The following OAF variants were observed in gnomAD, a reference collection of about 807,000 sequenced individuals.
OAF encodes the protein out at first protein homolog.
In OAF, 13 loss-of-function variants were observed where a neutral mutation model predicts 22.5. The ratio of observed to expected loss-of-function variants is 0.58; its 90% CI spans 0.38 to 0.92. The LOEUF is 0.92. Among genes scored for constraint, OAF ranks in the 40% least tolerant of loss-of-function variants. The pLI is 0.00. For synonymous variants in OAF, 175 were observed against 170.5 expected (o/e 1.03, Z -0.21); for missense variants, 347 against 381.8 (o/e 0.91, Z 0.76).
At chr11:120,223,327 C>T (rs193247963) in intron 1 of OAF, among the ~76,000 whole-genome samples, 8 of 152,272 alleles carry the variant, frequency 5.3e-5, no homozygotes, top group Admixed American at 4.6e-4. Flanking sequence ...TAGTCCATGA[C>T]GTTGAACAGG....
intron 1 of OAF, among the ~76,000 whole-genome samples, chr11:120,224,167 T>C (rs560793137): frequency 6.6e-6 from 1 of 152,302 alleles, no homozygotes; most frequent in South Asian, 2.1e-4. Flanking sequence ...AGTTTCCCTT[T>C]CTGGAAAACC....
At chr11:120,227,860 C>G (rs1183108326) in intron 3 of OAF, among the ~76,000 whole-genome samples, 1 of 152,116 alleles carries the variant, frequency 6.6e-6, no homozygotes, top group East Asian at 1.9e-4. Context: ...ACACCCTCCC[C>G]CATGGCCTGC....
In OAF at chr11:120,228,910, A is replaced by G; in HGVS notation, c.590A>G (p.Glu197Gly). The G allele has an allele frequency of 6.3e-7, 1 of 1,596,228 alleles. No individual in the cohort carries two copies. Among genetic ancestry groups the G allele is most frequent in the Non-Finnish European group, 8.5e-7 (1 of 1,172,744 alleles). The change falls in exon 4 of 4, where the codon GAG (glutamate) becomes GGG (glycine). Residue 197 changes from glutamate to glycine, a missense_variant. Physicochemically the swap from Glu to Gly is moderately conservative, Grantham distance 98 (BLOSUM62 -2). Transcript: ENST00000328965. The stretch of plus-strand genomic sequence containing the variant: ...TTCGAGGCTCTGCCCAAGGCCTCAG[A>G]GCAGGCGGAGCTGCCTCGCTGCAGG... ...SVFEALPKAS[E>G]QAELPRCRQV... is the part of the protein sequence containing the mutation.
chr11:120,226,493 A>G lies in OAF; in HGVS notation c.367-323A>G, dbSNP rs115762269. Among the ~76,000 whole-genome samples the G allele has an allele frequency of 8.0e-3, 1,211 of 152,314 alleles. 15 individuals carry two copies. The highest frequency in any genetic ancestry group is 0.028 in the African/African-American group (1,158 of 41,572). ...TGGAAAGTACGTGATTCCAGAGGTC[A>G]TATGCCCTGGCACAGCTTGCCTGGC... On this transcript the variant is annotated intron_variant, in intron 2 of 3. Coordinates refer to ENST00000328965, the MANE Select transcript of OAF (RefSeq NM_178507.4).
intron 1 of OAF, among the ~76,000 whole-genome samples, chr11:120,213,342 A>T (rs895596344): frequency 1.3e-5 from 2 of 152,076 alleles, no homozygotes; most frequent in Non-Finnish European, 2.9e-5. Flanking sequence ...TAGAAAATGC[A>T]TCTGGAGATT....
rs1938421060 is a variant in OAF, at chr11:120,230,332, A to G, written c.*1190A>G. 2 of 152,222 alleles carry G rather than the reference A, an allele frequency of 1.3e-5. No individual in the cohort carries two copies. The highest frequency in any genetic ancestry group is 2.1e-4 in the South Asian group (1 of 4,830). 9.4% of individuals were successfully genotyped at this position (152,222 alleles called of 1,614,324 possible). On this transcript the variant is annotated 3_prime_UTR_variant, in exon 4 of 4. Transcript: ENST00000328965. ...CTTAGCTATAAAATGAGCTTACTTA[A>G]GAGACCGAAGTGAATTCTTGCATGT...
At chr11:120,228,828 C>A in intron 3 of OAF, 40 bp from the exon 4 acceptor site, 25 of 649,112 alleles carry the variant, frequency 3.9e-5, no homozygotes, top group African/African-American at 3.6e-5. Flanking sequence ...CCTTCCCTCC[C>A]TCCCTCCCTC....
chr11:120,227,366 G>T (rs1938374559), intron 3 of OAF, among the ~76,000 whole-genome samples: 1 of 152,104 alleles, frequency 6.6e-6, no homozygotes, highest in Admixed American at 6.5e-5. Context: ...AGAAGATTCA[G>T]CCAGAGGAAA....
At chr11:120,219,087 C>A (rs541337405) in intron 1 of OAF, among the ~76,000 whole-genome samples, 1 of 136,902 alleles carries the variant, frequency 7.3e-6, no homozygotes, top group Non-Finnish European at 1.5e-5. Flanking sequence ...TGTGCCCTGA[C>A]GCTGGGCATG....
intron 1 of OAF, among the ~76,000 whole-genome samples, chr11:120,219,169 C>T (rs1185526741): frequency 6.6e-6 from 1 of 151,762 alleles, no homozygotes; most frequent in Non-Finnish European, 1.5e-5. Context: ...TGGGGAGCCG[C>T]CTCTGCCGGC....
chr11:120,213,010 T>A (rs1001661114), intron 1 of OAF, among the ~76,000 whole-genome samples: 1 of 151,636 alleles, frequency 6.6e-6, no homozygotes, highest in African/African-American at 2.4e-5. Context: ...TCTAATCTTC[T>A]GTCCAAGCCC....
rs373068892 is a variant in OAF at position 120,229,662 on chromosome 11, T to C, written c.*520T>C. 41 of 159,356 alleles carry C rather than the reference T, an allele frequency of 2.6e-4. No homozygotes were observed. In the South Asian group the frequency reaches 6.4e-3, roughly 25 times the overall value. The allele number at this position is 159,356 out of a possible 1,614,324, so 9.9% of individuals were successfully genotyped here. ...GGGACCCACGACGCAGCCCCTGTAC[T>C]GGATTACAGCATATTCTCATCTCTG... On this transcript the variant is annotated 3_prime_UTR_variant, in exon 4 of 4. Transcript: ENST00000328965.
intron 3 of OAF, among the ~76,000 whole-genome samples, chr11:120,227,814 AC>A (rs1271244988): frequency 3.3e-5 from 5 of 151,890 alleles, no homozygotes; most frequent in African/African-American, 1.2e-4. Flanking sequence ...ATTTAGAAAT[AC>A]CCAACCAAGC....
rs1938145105 is a variant in OAF at position 120,211,433 on chromosome 11, A to C, written c.154A>C (p.Ser52Arg). 1 of 1,562,904 alleles carries C rather than the reference A, an allele frequency of 6.4e-7. No individual in the cohort carries two copies. Among genetic ancestry groups the C allele is most frequent in the African/African-American group, 1.4e-5 (1 of 71,144 alleles). Residue 52 changes from serine to arginine, a missense_variant, in exon 1 of 4, where the codon AGC (serine) becomes CGC (arginine). Transcript: ENST00000328965. The stretch of plus-strand genomic sequence containing the variant: ...GACCGAGGAGAGCCTGCAGGCGGAC[A>C]GCGACGCGGACAGCATCAGCCTCGA... ...QVTEESLQAD[S>R]DADSISLELR... is the part of the protein sequence containing the mutation.
intron 1 of OAF, among the ~76,000 whole-genome samples, chr11:120,216,177 C>T (rs773182701): frequency 3.9e-5 from 6 of 152,072 alleles, no homozygotes; most frequent in Admixed American, 1.3e-4. Flanking sequence ...GCCCCTGTGC[C>T]GGGGGGCCTG....
At chr11:120,227,637 T>A (rs1286642624) in intron 3 of OAF, among the ~76,000 whole-genome samples, 2 of 152,118 alleles carry the variant, frequency 1.3e-5, no homozygotes, top group Non-Finnish European at 2.9e-5. Flanking sequence ...TCCTGACCTC[T>A]GTGACTTCAG....
chr11:120,226,726 G>T, intron 2 of OAF, 90 bp from the exon 3 acceptor site: 1 of 1,263,360 alleles, frequency 7.9e-7, no homozygotes, highest in Non-Finnish European at 1.1e-6. Context: ...AAGGCAGTCA[G>T]CTTGGGCTCG....
chr11:120,216,484 A>G (rs888928944), intron 1 of OAF, among the ~76,000 whole-genome samples: 2 of 152,200 alleles, frequency 1.3e-5, no homozygotes, highest in African/African-American at 4.8e-5. Context: ...ATTTCCTCAC[A>G]GGTATTTACA....
intron 1 of OAF, among the ~76,000 whole-genome samples, chr11:120,223,843 G>A (rs1287835084): frequency 6.6e-6 from 1 of 152,184 alleles, no homozygotes; most frequent in Non-Finnish European, 1.5e-5. Flanking sequence ...GATCCTTCCT[G>A]GGGGATCCTG....
Sources: gnomAD v4.1 joint callset for allele counts (sites outside exome capture counted in the v4.1 genomes callset) on GRCh38, gnomAD v4.1.1 for gene constraint, MANE v1.5 for transcripts, NCBI Gene and HGNC (gene_info 2026-07-23, HGNC 2026-07-21) for gene names.